ABLIM2: variants seen among roughly 807,000 people sequenced by gnomAD.
ABLIM2 encodes actin-binding LIM protein 2.
In ABLIM2, 53 loss-of-function variants were observed where a neutral mutation model predicts 97.7. The observed-to-expected ratio is 0.54, with a 90% CI of 0.44 to 0.68. The LOEUF (loss-of-function observed/expected upper bound fraction) is 0.68, where lower values mean the gene tolerates loss of function less well. Among genes scored for constraint, ABLIM2 ranks in the 30% least tolerant of loss-of-function variants. The pLI is 0.00. For missense variants in ABLIM2, 835 were observed against 867.2 expected (o/e 0.96, Z 0.47); for synonymous variants, 361 against 345.8 (o/e 1.04, Z -0.49).
rs1323563983 is a variant in ABLIM2 at position 8,072,644 on chromosome 4, G to A, written c.675+4984C>T. On this transcript the variant is annotated intron_variant, in intron 6 of 20. Coordinates refer to ENST00000447017, the MANE Select transcript of ABLIM2 (RefSeq NM_001130083.2). This position sits in a 1 kb window ranked among gnomAD's most constrained non-coding sequence, Gnocchi z 5.8. ...GGGTTGGGGGAAACCTGCGCACCCC[G>A]GGCTCCAGTCTGGCTCTGCCACCGA... Among the ~76,000 whole-genome samples, 3 of 152,216 alleles carry A rather than the reference G, an allele frequency of 2.0e-5. No individual in the cohort carries two copies. Among genetic ancestry groups the A allele is most frequent in the Non-Finnish European group, 4.4e-5 (3 of 68,034 alleles).
intron 16 of ABLIM2, among the ~76,000 whole-genome samples, chr4:7,995,193 C>T (rs1428871637): frequency 6.6e-6 from 1 of 152,226 alleles, no homozygotes; most frequent in Non-Finnish European, 1.5e-5. Context: ...AAAGACCTGT[C>T]CTGGGTCCCT....
chr4:8,053,420 C>G lies in ABLIM2; in HGVS notation c.822+768G>C, dbSNP rs188028924. Among the ~76,000 whole-genome samples, 9 of 152,354 alleles carry G rather than the reference C, an allele frequency of 5.9e-5. No individual in the cohort carries two copies. In the East Asian group the frequency reaches 1.7e-3, roughly 29 times the overall value. ...CTTGCACACATATCACCAGGACCTC[C>G]TGAGGCTGTGTCACGGGTGCACATC... On this transcript the variant is annotated intron_variant, in intron 8 of 20. Transcript: ENST00000447017.
intron 1 of ABLIM2, among the ~76,000 whole-genome samples, chr4:8,136,430 GA>G (rs368060775): frequency 8.1e-4 from 124 of 152,338 alleles, no homozygotes; most frequent in African/African-American, 2.8e-3. Flanking sequence ...GGTCTAGATG[GA>G]AATATAATGT....
chr4:8,051,774 G>T (rs1444822520), intron 8 of ABLIM2, among the ~76,000 whole-genome samples: 1 of 152,060 alleles, frequency 6.6e-6, no homozygotes, highest in Non-Finnish European at 1.5e-5. Context: ...TGGCACCATG[G>T]CCACCCCCAC....
chr4:8,146,497 T>A (rs1851813657), intron 1 of ABLIM2, among the ~76,000 whole-genome samples: 1 of 152,234 alleles, frequency 6.6e-6, no homozygotes, highest in African/African-American at 2.4e-5. Flanking sequence ...GCAGTCATTG[T>A]CCTTTTGCGG....
rs1359893822 is a variant in ABLIM2 at position 8,002,470 on chromosome 4, CG to C, written c.1618+5588del. 1.3e-5 allele frequency among the ~76,000 whole-genome samples: 2 copies of C among 152,162 alleles called. No homozygotes were observed. The highest frequency in any genetic ancestry group is 2.4e-5 in the African/African-American group (1 of 41,440). ...CCTGACTGGGCAGCCTCCAGTCCAC[CG>C]TCTATGCAGCTGCCTTCTGATGTTT... On this transcript the variant is annotated intron_variant, in intron 16 of 20. Transcript: ENST00000447017. This position sits in a 1 kb window ranked among gnomAD's most constrained non-coding sequence, Gnocchi z 6.1.
intron 17 of ABLIM2, among the ~76,000 whole-genome samples, chr4:7,988,346 G>A (rs961436306): frequency 2.6e-5 from 4 of 152,136 alleles, no homozygotes; most frequent in Admixed American, 2.0e-4. Context: ...TTACGTGCCT[G>A]TGGCTCTATA....
At position 7,998,931 on chromosome 4, in the gene ABLIM2, C is replaced by T. The variant is rs1002390756; in HGVS notation, c.1619-6004G>A. Among the ~76,000 whole-genome samples, 7 of 152,174 alleles carry T rather than the reference C, an allele frequency of 4.6e-5. No individual in the cohort carries two copies. Among genetic ancestry groups the T allele is most frequent in the East Asian group, 1.9e-4 (1 of 5,202 alleles). On this transcript the variant is annotated intron_variant, in intron 16 of 20. Coordinates refer to ENST00000447017, the MANE Select transcript of ABLIM2 (RefSeq NM_001130083.2). The surrounding 1 kb of genome is among the most constrained non-coding windows in gnomAD (Gnocchi z 6.4). ...TGTAGCAGAGAAGAGCAGAGAGAGA[C>T]GAGGCGACACTATCTCACCCCCTGG...
At position 8,003,444 on chromosome 4, in the gene ABLIM2, C is replaced by T. The variant is rs1220569918; in HGVS notation, c.1618+4615G>A. ...TTCGCTTTCTACCCAATATACATCG[C>T]TTTCACGCCAGCGGAAAGTCACACG... On this transcript the variant is annotated intron_variant, in intron 16 of 20. Coordinates refer to ENST00000447017, the MANE Select transcript of ABLIM2 (RefSeq NM_001130083.2). This position sits in a 1 kb window ranked among gnomAD's most constrained non-coding sequence, Gnocchi z 4.2. Among the ~76,000 whole-genome samples, 3 of 152,102 alleles carry T rather than the reference C, an allele frequency of 2.0e-5. No individual in the cohort carries two copies. Among genetic ancestry groups the T allele is most frequent in the African/African-American group, 7.2e-5 (3 of 41,422 alleles).
At chr4:8,154,163 T>C (rs111441180) in intron 1 of ABLIM2, among the ~76,000 whole-genome samples, 7,221 of 150,040 alleles carry the variant, frequency 0.048, 392 homozygotes, top group African/African-American at 0.13. Flanking sequence ...GGGGTTTCAC[T>C]GTGTTAGCCA....
At position 8,082,245 on chromosome 4, in the gene ABLIM2, G is replaced by A. The variant is rs1577359866; in HGVS notation, c.455-1443C>T. 2.0e-5 allele frequency among the ~76,000 whole-genome samples: 3 copies of A among 152,152 alleles called. No individual in the cohort carries two copies. The highest frequency in any genetic ancestry group is 2.1e-4 in the South Asian group (1 of 4,830). ...AAAGAAGGTGGCCCCAGGGCCCGAC[G>A]TGCTGGGTACAAATCCTGGCCCCCA... On this transcript the variant is annotated intron_variant, in intron 4 of 20. Transcript: ENST00000447017. The surrounding 1 kb of genome is among the most constrained non-coding windows in gnomAD (Gnocchi z 5.6).
chr4:8,130,546 C>T lies in ABLIM2; in HGVS notation c.11-23909G>A, dbSNP rs992782611. ...GCTTCCCCGAGACACTGTGAGGTGG[C>T]GCCACGCTTGGCCCCGCATTACTGG... On this transcript the variant is annotated intron_variant, in intron 1 of 20. Coordinates refer to ENST00000447017, the MANE Select transcript of ABLIM2 (RefSeq NM_001130083.2). This position sits in a 1 kb window ranked among gnomAD's most constrained non-coding sequence, Gnocchi z 4.2. Among the ~76,000 whole-genome samples, 5 of 152,050 alleles carry T rather than the reference C, an allele frequency of 3.3e-5. No homozygotes were observed. The South Asian group carries it at 6.3e-4, about 19-fold the overall frequency.
chr4:8,097,201 T>C lies in ABLIM2; in HGVS notation c.236A>G (p.Tyr79Cys), dbSNP rs766779098. The C allele has an allele frequency of 5.6e-6, 9 of 1,594,500 alleles. No individual in the cohort carries two copies. The highest frequency in any genetic ancestry group is 7.7e-6 in the Non-Finnish European group (9 of 1,171,200). Residue 79 changes from tyrosine (Y) to cysteine (C), a missense_variant, in exon 3 of 21, where the codon TAC becomes TGC. Transcript: ENST00000447017. Reference protein sequence around the residue: ...YICTLDYQRLYGTRCFSCDQF... With the variant: ...YICTLDYQRLCGTRCFSCDQF... ...GTCGCAGCTGAAGCAGCGGGTGCCG[T>C]AGAGCCTCTGGTAGTCCAGCGTGCA...
chr4:8,077,728 TGA>T lies in ABLIM2; in HGVS notation c.582-9_582-8del. On this transcript the variant is annotated splice_polypyrimidine_tract_variant and splice_region_variant and intron_variant, in intron 5 of 20. Transcript: ENST00000447017. The stretch of plus-strand genomic sequence containing the variant: ...GCAGTAGGGCAGCCCATCCCTGCAA[TGA>T]GACAGGCAGTCAACACAGGGCGGGT... 3 of 1,609,168 alleles carry T rather than the reference TGA, an allele frequency of 1.9e-6. No homozygotes were observed. Among genetic ancestry groups the T allele is most frequent in the Middle Eastern group, 1.7e-4 (1 of 6,042 alleles).
At chr4:8,050,771 T>C (rs1185539927) in intron 8 of ABLIM2, among the ~76,000 whole-genome samples, 1 of 152,020 alleles carries the variant, frequency 6.6e-6, no homozygotes, top group Non-Finnish European at 1.5e-5. Context: ...GACCGAGATG[T>C]GTATGAGAAC....
intron 9 of ABLIM2, among the ~76,000 whole-genome samples, chr4:8,037,265 C>T (rs992884691): frequency 6.6e-6 from 1 of 152,060 alleles, no homozygotes; most frequent in East Asian, 1.9e-4. Flanking sequence ...CATACCTACA[C>T]ATACATGTGC....
chr4:8,036,309 G>A lies in ABLIM2; in HGVS notation c.901-14C>T, dbSNP rs1226506969. 6.2e-7 allele frequency: 1 copy of A among 1,612,700 alleles called. No individual in the cohort carries two copies. Among genetic ancestry groups the A allele is most frequent in the Admixed American group, 1.7e-5 (1 of 59,984 alleles). Reference sequence around the variant, plus strand: ...ACCAAGCTTGGCCTGAGAGGGGAAAGAGAATTGGGGAGGGGACAGTCACCA... The same window carrying A: ...ACCAAGCTTGGCCTGAGAGGGGAAAAAGAATTGGGGAGGGGACAGTCACCA... On this transcript the variant is annotated splice_polypyrimidine_tract_variant and intron_variant, in intron 9 of 20. Transcript: ENST00000447017.
At chr4:8,138,624 T>A (rs1440436620) in intron 1 of ABLIM2, among the ~76,000 whole-genome samples, 1 of 152,192 alleles carries the variant, frequency 6.6e-6, no homozygotes, top group East Asian at 1.9e-4. Context: ...GGGAAAAGGA[T>A]TTAATGAATG....
rs1249643561 is a variant in ABLIM2, at chr4:7,999,941, C to A, written c.1619-7014G>T. ...AGGCTGGCTCATCAGAGGTCAAAGT[C>A]ACCGCTGGACATTCAAGGCCGGGCA... On this transcript the variant is annotated intron_variant, in intron 16 of 20. Coordinates refer to ENST00000447017, the MANE Select transcript of ABLIM2 (RefSeq NM_001130083.2). This position sits in a 1 kb window ranked among gnomAD's most constrained non-coding sequence, Gnocchi z 4.4. 3.3e-5 allele frequency among the ~76,000 whole-genome samples: 5 copies of A among 152,214 alleles called. No individual in the cohort carries two copies. The highest frequency in any genetic ancestry group is 6.5e-5 in the Admixed American group (1 of 15,280).
Sources: gnomAD v4.1 joint callset for allele counts (sites outside exome capture counted in the v4.1 genomes callset) on GRCh38, gnomAD v4.1.1 for gene constraint, Gnocchi (gnomAD v3.1) non-coding constraint, MANE v1.5 for transcripts, NCBI Gene and HGNC (gene_info 2026-07-23, HGNC 2026-07-21) for gene names.